FGF14: variants seen among roughly 807,000 people sequenced by gnomAD.
FGF14 encodes fibroblast growth factor homologous factor 4.
A neutral mutation model predicts 25.5 loss-of-function variants in FGF14; 5 were observed. That is an observed-to-expected ratio of 0.20 (90% CI 0.10 to 0.41). The LOEUF (loss-of-function observed/expected upper bound fraction) is 0.41, where lower values mean the gene tolerates loss of function less well. FGF14 is among the 10% of genes least tolerant of loss of function. The probability of loss-of-function intolerance (pLI) is 1.00; values close to 1 mark genes in which losing one functional copy is unlikely to be tolerated. For missense variants in FGF14, 222 were observed against 320.1 expected, an observed-to-expected ratio of 0.69 and a Z score of 2.34; for synonymous variants, 138 against 118.3, an observed-to-expected ratio of 1.17 and a Z score of -1.08.
chr13:101,957,004 A>G (rs1024383000), intron 1 of FGF14, among the ~76,000 whole-genome samples: 1 of 152,168 alleles, frequency 6.6e-6, no homozygotes, highest in Non-Finnish European at 1.5e-5. Flanking sequence ...ATAGCTAAAT[A>G]TAATCAATAT....
intron 1 of FGF14, among the ~76,000 whole-genome samples, chr13:101,903,346 GTTTTAAC>G (rs1328303382): frequency 6.6e-6 from 1 of 151,984 alleles, no homozygotes; most frequent in African/African-American, 2.4e-5. Context: ...CTTTAAATGG[GTTTTAAC>G]TTTGCACCTA....
intron 3 of FGF14, among the ~76,000 whole-genome samples, chr13:101,758,641 T>A (rs2037809247): frequency 6.6e-6 from 1 of 152,162 alleles, no homozygotes; most frequent in African/African-American, 2.4e-5. Flanking sequence ...AATCTAAACC[T>A]AATACTTTCT....
rs2034525172 is a variant in FGF14, at chr13:101,712,655, C to A, written c.*10176G>T. On this transcript the variant is annotated 3_prime_UTR_variant, in exon 5 of 5. Transcript: ENST00000376143. ...TTCCTTCACTCATGGAAATAAAACA[C>A]TAAGTATGGTGCCTTTCGAGGAAAC... The A allele has an allele frequency of 6.6e-6, 1 of 152,152 alleles. No individual in the cohort carries two copies. The highest frequency in any genetic ancestry group is 1.5e-5 in the Non-Finnish European group (1 of 68,022). The allele number at this position is 152,152 out of a possible 1,614,324, so 9.4% of individuals were successfully genotyped here. A position where few individuals can be genotyped will look rare whatever the true frequency, so the allele number is the denominator to read the frequency against.
intron 1 of FGF14, among the ~76,000 whole-genome samples, chr13:102,387,890 C>T (rs1262141668): frequency 1.3e-5 from 2 of 152,194 alleles, no homozygotes; most frequent in Middle Eastern, 3.4e-3. Context: ...CTACCACGCC[C>T]GGCTAATTTT....
chr13:101,904,135 A>G (rs939428374), intron 1 of FGF14, among the ~76,000 whole-genome samples: 5 of 152,334 alleles, frequency 3.3e-5, no homozygotes, highest in Admixed American at 2.6e-4. Flanking sequence ...GGTTCATTGC[A>G]TAGAGGTCTC....
rs892096133 is a variant in FGF14 at position 101,910,339 on chromosome 13, A to T, written c.193+6114T>A. ...CTATGCGTTCATTTATCTCAATTGT[A>T]TTCTATGCTTCTGCTGCATATATGT... On this transcript the variant is annotated intron_variant, in intron 1 of 4. Transcript: ENST00000376143. 5.9e-5 allele frequency among the ~76,000 whole-genome samples: 9 copies of T among 152,286 alleles called. No individual in the cohort carries two copies. The South Asian group carries it at 1.9e-3, about 32-fold the overall frequency.
intron 1 of FGF14, among the ~76,000 whole-genome samples, chr13:102,055,648 G>A (rs560641000): frequency 6.6e-5 from 10 of 152,236 alleles, no homozygotes; most frequent in South Asian, 2.1e-4. Context: ...GGAGACATGC[G>A]TACTTCTGCC....
At chr13:102,272,066 C>G (rs1194396727) in intron 1 of FGF14, among the ~76,000 whole-genome samples, 1 of 152,184 alleles carries the variant, frequency 6.6e-6, no homozygotes, top group Admixed American at 6.5e-5. Context: ...GCTCTCCACA[C>G]ACCAACCCTG....
intron 1 of FGF14, among the ~76,000 whole-genome samples, chr13:102,354,714 T>C (rs2057375257): frequency 6.6e-6 from 1 of 152,218 alleles, no homozygotes; most frequent in Admixed American, 6.5e-5. Flanking sequence ...AATAAACTTC[T>C]AAATTGATTG....
intron 1 of FGF14, among the ~76,000 whole-genome samples, chr13:101,944,512 A>G (rs2476233): frequency 0.048 from 7,348 of 152,238 alleles, 584 homozygotes; most frequent in African/African-American, 0.17. Flanking sequence ...TAGTTTGCCA[A>G]TCCCTGAGTT....
At chr13:101,953,106 C>T (rs2036279047) in intron 1 of FGF14, among the ~76,000 whole-genome samples, 1 of 152,012 alleles carries the variant, frequency 6.6e-6, no homozygotes, top group Admixed American at 6.6e-5. Context: ...TACTATTTGG[C>T]CAGAGTTGCT....
At chr13:102,289,988 T>C (rs1391746848) in intron 1 of FGF14, among the ~76,000 whole-genome samples, 1 of 152,140 alleles carries the variant, frequency 6.6e-6, no homozygotes. Context: ...ATTCTATTCT[T>C]AAAGGGTAAT....
intron 1 of FGF14, among the ~76,000 whole-genome samples, chr13:102,193,194 C>T (rs1156765782): frequency 6.6e-6 from 1 of 152,128 alleles, no homozygotes; most frequent in African/African-American, 2.4e-5. Flanking sequence ...ATGAGACAAG[C>T]ATGCCAGCAG....
In FGF14 at chr13:101,930,736, G is replaced by A. The variant is rs568556663; in HGVS notation, c.209-55440C>T. ...TCACACACAGAGTTAAACTAATACTGCTAATCCCTCTAGGTATGTCAAGGA... is the reference window on the plus strand; with the variant it reads ...TCACACACAGAGTTAAACTAATACTACTAATCCCTCTAGGTATGTCAAGGA... On this transcript the variant is annotated intron_variant, in intron 1 of 4. Transcript: ENST00000376131. 3.3e-5 allele frequency among the ~76,000 whole-genome samples: 5 copies of A among 152,188 alleles called. No individual in the cohort carries two copies. The East Asian group carries it at 9.6e-4, about 29-fold the overall frequency.
At chr13:101,838,211 T>C (rs1320259373) in intron 3 of FGF14, among the ~76,000 whole-genome samples, 2 of 152,000 alleles carry the variant, frequency 1.3e-5, no homozygotes, top group African/African-American at 2.4e-5. Context: ...CCTTGACATA[T>C]ACAGTCCTCA....
At position 102,278,649 on chromosome 13, in the gene FGF14, TACAC is replaced by T. The variant is rs200087985; in HGVS notation, c.208+122818_208+122821del. 1.9e-3 allele frequency among the ~76,000 whole-genome samples: 277 copies of T among 149,290 alleles called. 1 individual carries two copies. Among genetic ancestry groups the T allele is most frequent in the African/African-American group, 6.7e-3 (264 of 39,562 alleles). The stretch of plus-strand genomic sequence containing the variant: ...TGTAATATATATATATATATATACA[TACAC>T]ACACATACACACACACATACACACT... On this transcript the variant is annotated intron_variant, in intron 1 of 4. Coordinates refer to the FGF14 transcript ENST00000376131.
chr13:102,388,252 A>C (rs1414754644), intron 1 of FGF14, among the ~76,000 whole-genome samples: 2 of 152,220 alleles, frequency 1.3e-5, no homozygotes, highest in African/African-American at 4.8e-5. Flanking sequence ...TTATTTAGAA[A>C]GCCAGTAACG....
chr13:101,935,386 A>G (rs755772869), intron 1 of FGF14, among the ~76,000 whole-genome samples: 22 of 152,154 alleles, frequency 1.4e-4, no homozygotes, highest in Non-Finnish European at 2.8e-4. Flanking sequence ...CCCAACTGCT[A>G]TGGTTTGGCT....
At chr13:101,799,300 C>G (rs1264423231) in intron 3 of FGF14, among the ~76,000 whole-genome samples, 2 of 151,948 alleles carry the variant, frequency 1.3e-5, no homozygotes, top group Admixed American at 1.3e-4. Flanking sequence ...GATATATGAG[C>G]CCAAAGGATA....
Sources: gnomAD v4.1 joint callset for allele counts (sites outside exome capture counted in the v4.1 genomes callset) on GRCh38, gnomAD v4.1.1 for gene constraint, MANE v1.5 for transcripts, NCBI Gene and HGNC (gene_info 2026-07-23, HGNC 2026-07-21) for gene names.